Variants in GTF3C2 observed in about 807,000 individuals in gnomAD.
The protein encoded by GTF3C2 is general transcription factor 3C polypeptide 2.
A neutral mutation model predicts 117.4 loss-of-function variants in GTF3C2; 17 were observed. The observed-to-expected ratio is 0.14, with a 90% CI of 0.10 to 0.22. The LOEUF (loss-of-function observed/expected upper bound fraction) is 0.22. GTF3C2 is among the 10% of genes least tolerant of loss of function. The pLI is 1.00. For missense variants in GTF3C2, 888 were observed against 1,143.6 expected, an observed-to-expected ratio of 0.78 and a Z score of 3.22; for synonymous variants, 437 against 427.0, an observed-to-expected ratio of 1.02 and a Z score of -0.29.
intron 18 of GTF3C2, 59 bp from the exon 19 acceptor site, chr2:27,326,952 C>A: frequency 9.0e-7 from 1 of 1,107,332 alleles, no homozygotes; most frequent in South Asian, 1.4e-5. Flanking sequence ...TAGGGTGACT[C>A]CTAGCTGTAT....
chr2:27,339,174 C>T (rs928657511), intron 4 of GTF3C2, among the ~76,000 whole-genome samples: 5 of 151,796 alleles, frequency 3.3e-5, no homozygotes, highest in Non-Finnish European at 7.4e-5. Context: ...TTTGGGAGGC[C>T]GAGGCGGGCG....
chr2:27,347,428 C>G (rs1447180423), intron 1 of GTF3C2, among the ~76,000 whole-genome samples: 1 of 152,088 alleles, frequency 6.6e-6, no homozygotes, highest in African/African-American at 2.4e-5. Context: ...TACAAGAAAA[C>G]ACATGTGCTA....
chr2:27,337,531 C>G, exon 6 of GTF3C2: 1 of 1,612,034 alleles, frequency 6.2e-7, no homozygotes, highest in Non-Finnish European at 8.5e-7. Context: ...ACTCAGCAAA[C>G]TCCCAGTATG....
chr2:27,337,534 C>G, exon 6 of GTF3C2: 1 of 1,611,704 alleles, frequency 6.2e-7, no homozygotes, highest in Non-Finnish European at 8.5e-7. Flanking sequence ...CAGCAAACTC[C>G]CAGTATGAAT....
At chr2:27,353,895 A>ATT (rs1448376113) in intron 1 of GTF3C2, among the ~76,000 whole-genome samples, 1 of 151,296 alleles carries the variant, frequency 6.6e-6, no homozygotes, top group Non-Finnish European at 1.5e-5. Context: ...GCTAATTTTT[A>ATT]TTTTTTTTGT....
chr2:27,338,557 G>T (rs953655559), intron 4 of GTF3C2, among the ~76,000 whole-genome samples: 3 of 152,092 alleles, frequency 2.0e-5, no homozygotes, highest in African/African-American at 2.4e-5. Flanking sequence ...TTGAGATAGG[G>T]TCTCACTCTG....
At position 27,331,523 on chromosome 2, in the gene GTF3C2, C is replaced by T. The variant is rs1035129349; in HGVS notation, c.1733-2000G>A. ...GTATTTTTTAGTAGAGACAGGGTTT[C>T]ACCATGTTGGCCAGGATGGTCTCGA... On this transcript the variant is annotated intron_variant, in intron 12 of 18. Coordinates refer to ENST00000264720, the Ensembl canonical transcript of GTF3C2. 7.2e-5 allele frequency among the ~76,000 whole-genome samples: 11 copies of T among 152,056 alleles called. No individual in the cohort carries two copies. The South Asian group carries it at 1.0e-3, about 14-fold the overall frequency.
chr2:27,341,609 T>C (rs945180928), intron 4 of GTF3C2: 16 of 211,994 alleles, frequency 7.5e-5, no homozygotes, highest in Non-Finnish European at 5.7e-5. Flanking sequence ...GGCAGTTAAT[T>C]ACCCTTTCCT....
At chr2:27,333,624 A>C (rs1680355425) in intron 12 of GTF3C2, 31 bp downstream of exon 12, 1 of 1,524,092 alleles carries the variant, frequency 6.6e-7, no homozygotes, top group Non-Finnish European at 9.0e-7. Context: ...AAAGAGCAAT[A>C]GTTCCTTATG....
intron 5 of GTF3C2, 29 bp from the exon 6 acceptor site, chr2:27,337,587 GGA>G: frequency 6.9e-7 from 1 of 1,454,008 alleles, no homozygotes; most frequent in Non-Finnish European, 9.7e-7. Flanking sequence ...CATTAATGAA[GGA>G]GAGGGATTCT....
In GTF3C2 at chr2:27,329,195, G is replaced by A; in HGVS notation, c.1965C>T (p.Arg655=). 6.2e-7 allele frequency: 1 copy of A among 1,614,092 alleles called. No individual in the cohort carries two copies. The highest frequency in any genetic ancestry group is 8.5e-7 in the Non-Finnish European group (1 of 1,179,946). Residue 655 remains arginine (R), a synonymous_variant, in exon 14 of 19, where the codon CGC becomes CGT. Transcript: ENST00000264720. This position sits in a 1 kb window ranked among gnomAD's most constrained non-coding sequence, Gnocchi z 4.5. ...GCCAGGCCAGTTCTGTACTCAAGAA[G>A]CGCTTGATAGAGTTTATGGGTTCGT...
At chr2:27,336,142 A>T (rs1356040444) in intron 8 of GTF3C2, 56 bp downstream of exon 8, 2 of 1,454,940 alleles carry the variant, frequency 1.4e-6, no homozygotes, top group Admixed American at 3.4e-5. Flanking sequence ...TCCTGTCCAG[A>T]CCCCATCCTG....
At chr2:27,326,739 G>A in exon 19 of GTF3C2, 1 of 1,614,112 alleles carries the variant, frequency 6.2e-7, no homozygotes, top group Non-Finnish European at 8.5e-7. Flanking sequence ...GGGGGAGGAT[G>A]GTTGGAACAT....
At chr2:27,336,106 C>G in intron 8 of GTF3C2, 78 bp from the exon 9 acceptor site, 1 of 1,396,672 alleles carries the variant, frequency 7.2e-7, no homozygotes, top group Non-Finnish European at 1.0e-6. Flanking sequence ...CCCCTTGTCT[C>G]AGCCCAATCC....
intron 1 of GTF3C2, chr2:27,356,120 C>T (rs756368096): frequency 7.8e-7 from 1 of 1,288,648 alleles, no homozygotes; most frequent in Non-Finnish European, 1.0e-6. Flanking sequence ...GAGTTGCCTC[C>T]GACGGAGTTG....
chr2:27,341,941 AG>A lies in GTF3C2; in HGVS notation c.855+6del. The A allele has an allele frequency of 6.2e-7, 1 of 1,610,874 alleles. No individual in the cohort carries two copies. Among genetic ancestry groups the A allele is most frequent in the Non-Finnish European group, 8.5e-7 (1 of 1,177,440 alleles). ...TCCCCATTCACTTTCTTGTCCATTG[AG>A]GTTACCCCTGAAGTAGATCCTCGTG... On this transcript the variant is annotated splice_donor_region_variant and intron_variant, in intron 4 of 18. Transcript: ENST00000264720.
At chr2:27,335,143 C>T (rs770078134) in intron 10 of GTF3C2, among the ~76,000 whole-genome samples, 1 of 152,188 alleles carries the variant, frequency 6.6e-6, no homozygotes, top group African/African-American at 2.4e-5. Flanking sequence ...CTGACTCCTC[C>T]CTCCTTTTGC....
intron 1 of GTF3C2, among the ~76,000 whole-genome samples, chr2:27,347,196 G>C (rs1184441318): frequency 6.6e-6 from 1 of 152,080 alleles, no homozygotes; most frequent in Non-Finnish European, 1.5e-5. Flanking sequence ...GTGACAAAGG[G>C]GCAGACATAG....
chr2:27,330,013 G>A (rs756480723), intron 12 of GTF3C2, among the ~76,000 whole-genome samples: 2 of 151,782 alleles, frequency 1.3e-5, no homozygotes, highest in African/African-American at 2.4e-5. Flanking sequence ...AGATGTGGTG[G>A]TGGGTGTCTG....
Sources: allele counts gnomAD v4.1 joint callset (sites outside exome capture counted in the v4.1 genomes callset), GRCh38; gene constraint gnomAD v4.1.1; non-coding constraint Gnocchi (gnomAD v3.1); transcripts MANE v1.5; gene names NCBI Gene and HGNC (gene_info 2026-07-23, HGNC 2026-07-21).